The following MARK1 variants were observed in gnomAD, a reference collection of about 807,000 sequenced individuals.
MARK1 encodes serine/threonine-protein kinase MARK1.
In MARK1, 40 loss-of-function variants were observed where a neutral mutation model predicts 96.3. The ratio of observed to expected loss-of-function variants is 0.42; its 90% CI spans 0.32 to 0.54. MARK1 has a LOEUF of 0.54. MARK1 is among the 20% of genes least tolerant of loss of function. The pLI, the probability that MARK1 is intolerant of heterozygous loss-of-function variation, is 0.16. For synonymous variants in MARK1, 317 were observed against 341.2 expected (o/e 0.93, Z 0.78); for missense variants, 719 against 984.6 (o/e 0.73, Z 3.61).
rs140446160 is a variant in MARK1, at chr1:220,601,921, G to A, written c.424+2058G>A. 1.9e-3 allele frequency among the ~76,000 whole-genome samples: 292 copies of A among 152,280 alleles called. 1 individual carries two copies. The highest frequency in any genetic ancestry group is 3.4e-3 in the Middle Eastern group (1 of 292). On this transcript the variant is annotated intron_variant, in intron 5 of 17. Transcript: ENST00000366917. ...ACACCAGCCAGTCTCATTAAATCCT[G>A]ATTCCTGCGATAGGTTTTCTTTGAG...
At chr1:220,553,160 A>G (rs1212064117) in intron 1 of MARK1, among the ~76,000 whole-genome samples, 2 of 152,130 alleles carry the variant, frequency 1.3e-5, no homozygotes, top group African/African-American at 2.4e-5. Context: ...CTTGTTACTA[A>G]TTTTCAAGTC....
intron 1 of MARK1, among the ~76,000 whole-genome samples, chr1:220,531,381 GAC>G (rs1188338925): frequency 6.6e-6 from 1 of 152,008 alleles, no homozygotes; most frequent in Non-Finnish European, 1.5e-5. Context: ...GTATATCAAG[GAC>G]ACTAACTAAA....
intron 17 of MARK1, among the ~76,000 whole-genome samples, chr1:220,661,458 A>G (rs755234501): frequency 6.6e-6 from 1 of 152,250 alleles, no homozygotes; most frequent in Non-Finnish European, 1.5e-5. Context: ...ATATTTACAA[A>G]TAGAATATTA....
chr1:220,573,952 T>A (rs181912899), intron 1 of MARK1, among the ~76,000 whole-genome samples: 105 of 152,306 alleles, frequency 6.9e-4, no homozygotes, highest in Non-Finnish European at 1.5e-5. Flanking sequence ...CATATACTTG[T>A]TCTTTCTGGC....
intron 13 of MARK1, among the ~76,000 whole-genome samples, chr1:220,649,886 A>G (rs1035336788): frequency 6.6e-6 from 1 of 152,242 alleles, no homozygotes; most frequent in Non-Finnish European, 1.5e-5. Context: ...TCATTTCTGT[A>G]TATTTTATTA....
At chr1:220,639,503 C>A (rs993016626) in intron 13 of MARK1, among the ~76,000 whole-genome samples, 1 of 152,064 alleles carries the variant, frequency 6.6e-6, no homozygotes, top group African/African-American at 2.4e-5. Flanking sequence ...GTGAAGTGTT[C>A]AGAGTTTTTC....
rs760080433 is a variant in MARK1, at chr1:220,653,141, A to G, written c.1777A>G (p.Ser593Gly). 12 of 1,614,214 alleles carry G rather than the reference A, an allele frequency of 7.4e-6. No homozygotes were observed. Among genetic ancestry groups the G allele is most frequent in the Non-Finnish European group, 1.0e-5 (12 of 1,180,030 alleles). ...GCCTGCTGCTTCCCCATCTGCTCAC[A>G]GTATTAGTACTGCGACTCCAGACCG... ...RVPAASPSAH[S>G]ISTATPDRTR... Residue 593 changes from serine (S) to glycine (G), a missense_variant, in exon 16 of 18, where the codon AGT (serine) becomes GGT (glycine). Physicochemically the swap from Ser to Gly is moderately conservative, Grantham distance 56 (BLOSUM62 0). Around this residue, in one of 4 missense-constraint regions of MARK1, gnomAD observed 501 missense variants for 588.3 expected, o/e 0.85. Transcript: ENST00000366917.
intron 16 of MARK1, among the ~76,000 whole-genome samples, chr1:220,655,292 C>T (rs1185413344): frequency 6.6e-6 from 1 of 152,178 alleles, no homozygotes; most frequent in Non-Finnish European, 1.5e-5. Flanking sequence ...AGGCTCATGA[C>T]ATTAGATTCC....
intron 3 of MARK1, among the ~76,000 whole-genome samples, chr1:220,595,348 A>G (rs1665263657): frequency 1.3e-5 from 2 of 152,226 alleles, no homozygotes; most frequent in South Asian, 4.1e-4. Flanking sequence ...ACAAGCAATC[A>G]GTAGCACGCT....
chr1:220,635,236 C>G, intron 11 of MARK1, 140 bp from the exon 12 acceptor site: 1 of 749,226 alleles, frequency 1.3e-6, no homozygotes, highest in Non-Finnish European at 2.1e-6. Context: ...AAGTTCTAGG[C>G]CCAATACTAC....
intron 9 of MARK1, chr1:220,627,235 A>T (rs1359929560): frequency 2.5e-5 from 12 of 485,898 alleles, no homozygotes; most frequent in South Asian, 1.3e-4. Context: ...TTCCTCTGAC[A>T]AACGAATTGC....
At chr1:220,628,871 G>C (rs1667504371) in intron 9 of MARK1, among the ~76,000 whole-genome samples, 1 of 150,122 alleles carries the variant, frequency 6.7e-6, no homozygotes, top group South Asian at 2.1e-4. Flanking sequence ...CAGATAACTT[G>C]AACCCAAGAG....
At chr1:220,564,906 T>C (rs1172315419) in intron 1 of MARK1, among the ~76,000 whole-genome samples, 3 of 152,168 alleles carry the variant, frequency 2.0e-5, no homozygotes, top group African/African-American at 7.2e-5. Context: ...AGAAGAAGTA[T>C]CCAATATAAT....
At chr1:220,627,723 A>T (rs1667431812) in intron 9 of MARK1, 1 of 159,218 alleles carries the variant, frequency 6.3e-6, no homozygotes, top group Admixed American at 6.4e-5. Flanking sequence ...GGATACTTTC[A>T]TGCAACCATA....
At chr1:220,545,956 C>T (rs887853064) in intron 1 of MARK1, among the ~76,000 whole-genome samples, 1 of 152,116 alleles carries the variant, frequency 6.6e-6, no homozygotes, top group Non-Finnish European at 1.5e-5. Context: ...AAGAATCTTG[C>T]TAAGTCAGTT....
intron 1 of MARK1, among the ~76,000 whole-genome samples, chr1:220,565,728 C>G (rs945027280): frequency 6.6e-6 from 1 of 152,160 alleles, no homozygotes; most frequent in Admixed American, 6.5e-5. Flanking sequence ...CTTGTCCATG[C>G]CTGTAAGAAT....
intron 6 of MARK1, among the ~76,000 whole-genome samples, chr1:220,614,233 T>C (rs1049244008): frequency 3.9e-5 from 6 of 152,074 alleles, no homozygotes; most frequent in African/African-American, 1.4e-4. Flanking sequence ...GGTCTTGAAC[T>C]TCTGGCCTCA....
rs925303142 is a variant in MARK1 at position 220,613,999 on chromosome 1, CTGTT to C, written c.496-1923_496-1920del. Among the ~76,000 whole-genome samples, 57 of 151,704 alleles carry C rather than the reference CTGTT, an allele frequency of 3.8e-4. 1 individual carries two copies. The highest frequency in any genetic ancestry group is 1.2e-3 in the African/African-American group (49 of 41,358). On this transcript the variant is annotated intron_variant, in intron 6 of 17. Coordinates refer to ENST00000366917, the MANE Select transcript of MARK1 (RefSeq NM_018650.5). The stretch of plus-strand genomic sequence containing the variant: ...TATTTTGTTTGTTTGGTCGGTTGGT[CTGTT>C]TGTTTGTTTGTTTGTTGTTTTTGAG...
At chr1:220,621,515 T>C (rs990855647) in intron 9 of MARK1, among the ~76,000 whole-genome samples, 6 of 152,140 alleles carry the variant, frequency 3.9e-5, no homozygotes. Flanking sequence ...ATTTCTTTTA[T>C]TAGCAATAAA....
Sources: gnomAD v4.1 joint callset for allele counts (sites outside exome capture counted in the v4.1 genomes callset) on GRCh38, gnomAD v4.1.1 for gene constraint, gnomAD v4.1.1 regional missense constraint, MANE v1.5 for transcripts, NCBI Gene and HGNC (gene_info 2026-07-23, HGNC 2026-07-21) for gene names.